The following KIAA0586 variants were observed in gnomAD, a reference collection of about 807,000 sequenced individuals.
KIAA0586 encodes the protein KIAA0586.
Under a neutral mutation model 169.8 loss-of-function variants are expected in KIAA0586, and 144 were observed. That is an observed-to-expected ratio of 0.85 (90% CI 0.74 to 0.97). KIAA0586 has a LOEUF of 0.97. Ranked by LOEUF, KIAA0586 falls within the 50% of genes least tolerant of loss-of-function variation. The probability of loss-of-function intolerance (pLI) is 0.00; values close to 1 mark genes in which losing one functional copy is unlikely to be tolerated. For missense variants in KIAA0586, 1,854 were observed against 1,823.0 expected, an observed-to-expected ratio of 1.02 and a Z score of -0.31; for synonymous variants, 625 against 612.4, an observed-to-expected ratio of 1.02 and a Z score of -0.30.
At chr14:58,467,682 T>A (rs2040871688) in intron 15 of KIAA0586, 53 bp from the exon 16 acceptor site, 2 of 1,336,466 alleles carry the variant, frequency 1.5e-6, no homozygotes, top group East Asian at 4.6e-5. Context: ...TATATTAGAC[T>A]TTTCCCTTTT....
downstream of KIAA0586, among the ~76,000 whole-genome samples, chr14:58,552,572 C>G (rs1253545982): frequency 6.6e-6 from 1 of 152,154 alleles, no homozygotes; most frequent in Non-Finnish European, 1.5e-5. Flanking sequence ...GTTATTGATA[C>G]ATCTCTGGAA....
intron 9 of KIAA0586, among the ~76,000 whole-genome samples, chr14:58,456,057 ATACT>A (rs1414586535): frequency 6.6e-6 from 1 of 152,012 alleles, no homozygotes; most frequent in Non-Finnish European, 1.5e-5. Context: ...TGCCCTGGGG[ATACT>A]TTCTCGCTGA....
intron 21 of KIAA0586, among the ~76,000 whole-genome samples, chr14:58,483,712 A>G (rs2042188063): frequency 6.6e-6 from 1 of 152,196 alleles, no homozygotes. Context: ...AAAAGAATTT[A>G]TAATCTATTA....
intron 29 of KIAA0586, among the ~76,000 whole-genome samples, chr14:58,525,490 C>T (rs1212073257): frequency 1.3e-5 from 2 of 152,058 alleles, no homozygotes; most frequent in Admixed American, 1.3e-4. Context: ...CAAGTGAATC[C>T]ATGAGGGACT....
intron 6 of KIAA0586, among the ~76,000 whole-genome samples, chr14:58,444,449 A>T (rs183515153): frequency 6.6e-6 from 1 of 151,726 alleles, no homozygotes; most frequent in Admixed American, 6.6e-5. Flanking sequence ...TTTGAGATGG[A>T]GTTTGCTATG....
intron 29 of KIAA0586, among the ~76,000 whole-genome samples, chr14:58,533,122 C>T (rs899646681): frequency 1.1e-4 from 16 of 152,138 alleles, no homozygotes; most frequent in Admixed American, 9.2e-4. Context: ...GTTCTGAGAG[C>T]CTTGCGATTA....
At chr14:58,547,254 G>A (rs548984265) in intron 30 of KIAA0586, among the ~76,000 whole-genome samples, 2 of 152,050 alleles carry the variant, frequency 1.3e-5, no homozygotes, top group South Asian at 2.1e-4. Flanking sequence ...AATGGTAACA[G>A]TAGTAATAAT....
rs1043777811 is a variant in KIAA0586, at chr14:58,488,865, G to T, written c.3772G>T (p.Ala1258Ser). ...TTTATTTAGCTGTGGTCAAAAATTG[G>T]CCCCCAAGAGTAAGTTAATTTGTAT... ...EILFSCGQKL[A>S]PKILEDIGLY... The change falls in exon 24 of 31, where the codon GCC (alanine) becomes TCC (serine). Residue 1258 changes from alanine (A) to serine (S), a missense_variant. Physicochemically the swap from Ala to Ser is moderately conservative, Grantham distance 99. Coordinates refer to ENST00000652326, the MANE Select transcript of KIAA0586 (RefSeq NM_001329943.3). The T allele has an allele frequency of 8.1e-6, 13 of 1,613,262 alleles. No individual in the cohort carries two copies. In the East Asian group the frequency reaches 2.9e-4, roughly 36 times the overall value.
rs552614333 is a variant in KIAA0586, at chr14:58,522,441, G to A, written c.4429+9814G>A. On this transcript the variant is annotated intron_variant, in intron 29 of 30. Coordinates refer to ENST00000652326, the MANE Select transcript of KIAA0586 (RefSeq NM_001329943.3). ...ATGTGTATTACACCCCCACATTAGTGTGCTGTGTGAGGCAGTTCAACACAA... is the reference window on the plus strand; with the variant it reads ...ATGTGTATTACACCCCCACATTAGTATGCTGTGTGAGGCAGTTCAACACAA... Among the ~76,000 whole-genome samples the A allele has an allele frequency of 1.1e-4, 16 of 152,308 alleles. No individual in the cohort carries two copies. In the South Asian group the frequency reaches 2.7e-3, roughly 26 times the overall value.
rs1402240982 is a variant in KIAA0586, at chr14:58,548,108, A to G, written c.*176A>G. On this transcript the variant is annotated 3_prime_UTR_variant, in exon 31 of 31. Transcript: ENST00000652326. ...GGTATTTAAAGTTTTTAAATAAAATAAGTATAAGTCATTATAAGTCTGATT... is the reference window on the plus strand; with the variant it reads ...GGTATTTAAAGTTTTTAAATAAAATGAGTATAAGTCATTATAAGTCTGATT... 2.8e-6 allele frequency: 2 copies of G among 713,682 alleles called. No individual in the cohort carries two copies. Among genetic ancestry groups the G allele is most frequent in the Non-Finnish European group, 4.4e-6 (2 of 451,024 alleles). The allele number at this position is 713,682 out of a possible 1,614,324, so 44.2% of individuals were successfully genotyped here. A position where few individuals can be genotyped will look rare whatever the true frequency, so the allele number is the denominator to read the frequency against.
At chr14:58,532,875 C>G (rs1353036404) in intron 29 of KIAA0586, among the ~76,000 whole-genome samples, 1 of 152,150 alleles carries the variant, frequency 6.6e-6, no homozygotes, top group Non-Finnish European at 1.5e-5. Context: ...ACAAATTACT[C>G]GTTATGGAAT....
At chr14:58,478,472 G>T (rs2041813419) in intron 20 of KIAA0586, among the ~76,000 whole-genome samples, 1 of 152,126 alleles carries the variant, frequency 6.6e-6, no homozygotes, top group African/African-American at 2.4e-5. Context: ...AATAGAGCGA[G>T]ACTCTGTTTC....
At chr14:58,513,294 C>G (rs1174102691) in intron 29 of KIAA0586, among the ~76,000 whole-genome samples, 3 of 152,066 alleles carry the variant, frequency 2.0e-5, no homozygotes, top group Non-Finnish European at 4.4e-5. Context: ...GCCCACAATT[C>G]TGGAAGAAGT....
intron 4 of KIAA0586, chr14:58,440,189 G>A (rs1214315262): frequency 6.7e-6 from 3 of 447,118 alleles, no homozygotes; most frequent in Admixed American, 4.8e-5. Context: ...ACCTAATTCA[G>A]GCTTCTTAAT....
At chr14:58,486,186 A>G (rs1054925568) in intron 21 of KIAA0586, among the ~76,000 whole-genome samples, 1 of 152,136 alleles carries the variant, frequency 6.6e-6, no homozygotes, top group Non-Finnish European at 1.5e-5. Context: ...CTCACTTATA[A>G]ATGAGAACAT....
chr14:58,476,996 A>T (rs1162098601), intron 19 of KIAA0586, 127 bp from the exon 20 acceptor site: 1 of 556,954 alleles, frequency 1.8e-6, no homozygotes, highest in Non-Finnish European at 3.2e-6. Flanking sequence ...TTTCAGAATG[A>T]CTGCTTTCAC....
chr14:58,446,694 A>C (rs1242198895), intron 6 of KIAA0586, among the ~76,000 whole-genome samples: 1 of 152,182 alleles, frequency 6.6e-6, no homozygotes, highest in Non-Finnish European at 1.5e-5. Flanking sequence ...TTCAAGACTT[A>C]ACAGGGTTTA....
At chr14:58,433,685 C>T (rs1260974802) in intron 4 of KIAA0586, among the ~76,000 whole-genome samples, 2 of 152,112 alleles carry the variant, frequency 1.3e-5, no homozygotes, top group Non-Finnish European at 2.9e-5. Context: ...TCTAAACAGT[C>T]AATTTTAGAA....
chr14:58,479,248 T>A (rs1011139516), intron 20 of KIAA0586, among the ~76,000 whole-genome samples: 1 of 152,226 alleles, frequency 6.6e-6, no homozygotes, highest in Non-Finnish European at 1.5e-5. Context: ...TCCCTAACTA[T>A]ACTAATACCT....
Sources: allele counts gnomAD v4.1 joint callset (sites outside exome capture counted in the v4.1 genomes callset), GRCh38; gene constraint gnomAD v4.1.1; transcripts MANE v1.5; gene names NCBI Gene and HGNC (gene_info 2026-07-23, HGNC 2026-07-21).